MUC15: variants seen among roughly 807,000 people sequenced by gnomAD.
MUC15 encodes the protein mucin-15.
A neutral mutation model predicts 24.0 loss-of-function variants in MUC15; 23 were observed. The observed-to-expected ratio is 0.96, with a 90% confidence interval of 0.69 to 1.36. MUC15 has a LOEUF of 1.36. Ranked by LOEUF, MUC15 falls within the 40% of genes most tolerant of loss-of-function variation. The pLI is 0.00. For missense variants in MUC15, 442 were observed against 428.2 expected (o/e 1.03, Z -0.29); for synonymous variants, 151 against 156.3 (o/e 0.97, Z 0.25).
rs1005093183 is a variant in MUC15 at position 26,565,039 on chromosome 11, G to A, written c.775+126C>T. ...ACTATAATGATCATCCCTCAAAAGT[G>A]AGAAAATCCATGCTATTGTGTTCTC... On this transcript the variant is annotated intron_variant, in intron 3 of 4. Coordinates refer to ENST00000529533, the MANE Select transcript of MUC15 (RefSeq NM_001135091.2). 1.9e-5 allele frequency: 18 copies of A among 956,880 alleles called. No individual in the cohort carries two copies. In the African/African-American group the frequency reaches 2.9e-4, roughly 15 times the overall value. The allele number at this position is 956,880 out of a possible 1,614,324, so 59.3% of individuals were successfully genotyped here. A position where few individuals can be genotyped will look rare whatever the true frequency, so the allele number is the denominator to read the frequency against.
chr11:26,563,308 CA>C, intron 3 of MUC15, 43 bp from the exon 4 acceptor site: 1 of 1,542,798 alleles, frequency 6.5e-7, no homozygotes. Flanking sequence ...AATAATTATT[CA>C]AAGAACCGAA....
In MUC15 at chr11:26,559,866, ACACACAC is replaced by A. The variant is rs1850217248; in HGVS notation, c.*1192_*1198del. The A allele has an allele frequency of 1.1e-6, 1 of 882,078 alleles. No individual in the cohort carries two copies. The highest frequency in any genetic ancestry group is 1.7e-5 in the African/African-American group (1 of 60,192). The allele number at this position is 882,078 out of a possible 1,614,324, so 54.6% of individuals were successfully genotyped here. On this transcript the variant is annotated 3_prime_UTR_variant, in exon 5 of 5. Transcript: ENST00000529533. The stretch of plus-strand genomic sequence containing the variant: ...CACACACACACACACACACACACAC[ACACACAC>A]ACCATGAATCAATTCAAAAATAAAG...
chr11:26,567,288 A>T (rs1003511494), intron 1 of MUC15, 149 bp from the exon 2 acceptor site: 12 of 464,016 alleles, frequency 2.6e-5, no homozygotes, highest in Middle Eastern at 3.3e-4. Flanking sequence ...TACTGATTTC[A>T]TGTTTTTGAA....
At chr11:26,561,769 T>A (rs1464388929) in intron 4 of MUC15, among the ~76,000 whole-genome samples, 1 of 152,004 alleles carries the variant, frequency 6.6e-6, no homozygotes. Flanking sequence ...TTTCTGATTG[T>A]TGATGTGGAA....
At position 26,559,672 on chromosome 11, in the gene MUC15, T is replaced by C; in HGVS notation, c.*1393A>G. 7.2e-7 allele frequency: 1 copy of C among 1,387,540 alleles called. No individual in the cohort carries two copies. Among genetic ancestry groups the C allele is most frequent in the South Asian group, 1.2e-5 (1 of 86,390 alleles). 86.0% of individuals were successfully genotyped at this position (1,387,540 alleles called of 1,614,324 possible). A position where few individuals can be genotyped will look rare whatever the true frequency, so the allele number is the denominator to read the frequency against. On this transcript the variant is annotated 3_prime_UTR_variant, in exon 5 of 5. Coordinates refer to ENST00000529533, the MANE Select transcript of MUC15 (RefSeq NM_001135091.2). ...AGTGCAAACAGTATTCACTGGCTTA[T>C]TATAATCAATTTGCATGACTAATAT...
chr11:26,560,870 G>C lies in MUC15; in HGVS notation c.*195C>G, dbSNP rs1850260493. ...GGCTACTTAGTAAATGCCTCAGGAT[G>C]GCCAAAAATTGTAAGAAAGAAAACC... On this transcript the variant is annotated 3_prime_UTR_variant, in exon 5 of 5. Coordinates refer to ENST00000529533, the MANE Select transcript of MUC15 (RefSeq NM_001135091.2). 1 of 500,774 alleles carries C rather than the reference G, an allele frequency of 2.0e-6. No individual in the cohort carries two copies. Among genetic ancestry groups the C allele is most frequent in the South Asian group, 3.3e-5 (1 of 29,900 alleles). 31.0% of individuals were successfully genotyped at this position (500,774 alleles called of 1,614,324 possible).
intron 3 of MUC15, among the ~76,000 whole-genome samples, chr11:26,564,732 C>CACAT (rs1565108986): frequency 7.9e-5 from 2 of 25,414 alleles, no homozygotes; most frequent in Non-Finnish European, 1.4e-4. Flanking sequence ...CACACACACA[C>CACAT]ATATATATAT....
chr11:26,559,503 GAA>G lies in MUC15; in HGVS notation c.*1560_*1561del, dbSNP rs1850197143. 1 of 513,420 alleles carries G rather than the reference GAA, an allele frequency of 1.9e-6. No homozygotes were observed. Among genetic ancestry groups the G allele is most frequent in the African/African-American group, 1.9e-5 (1 of 52,340 alleles). The allele number at this position is 513,420 out of a possible 1,614,324, so 31.8% of individuals were successfully genotyped here. On this transcript the variant is annotated 3_prime_UTR_variant, in exon 5 of 5. Transcript: ENST00000529533. ...GTATAAAGGGAATCAAGAGAGGAGA[GAA>G]GAGGGCTAATGTTGTTTCTTCACCT... is the stretch of plus-strand genomic sequence containing the variant.
chr11:26,565,807 G>T lies in MUC15; in HGVS notation c.133C>A (p.Leu45Ile), dbSNP rs1489867402. 6.2e-7 allele frequency: 1 copy of T among 1,613,192 alleles called. No individual in the cohort carries two copies. The highest frequency in any genetic ancestry group is 1.7e-5 in the Admixed American group (1 of 59,894). ...TTTTCTTTTCCATGGCTCCCCGATA[G>T]AAGTGAATAAAACAACGTTGAAATC... ...LLISTLFYSL[L>I]SGSHGKENQD... Residue 45 changes from leucine (L) to isoleucine (I), a missense_variant, in exon 3 of 5, where the codon CTA (leucine) becomes ATA (isoleucine). By Grantham distance (5) the Leu-to-Ile change is conservative. Transcript: ENST00000529533.
Position 26,561,162 on chromosome 11 carries a change from T to C in MUC15, c.989A>G (p.Asn330Ser), listed in dbSNP as rs1376599132. The C allele has an allele frequency of 1.2e-6, 2 of 1,612,614 alleles. No homozygotes were observed. The highest frequency in any genetic ancestry group is 1.7e-6 in the Non-Finnish European group (2 of 1,179,236). Residue 330 changes from asparagine (N) to serine (S), a missense_variant, in exon 5 of 5, where the codon AAT (asparagine) becomes AGT (serine). By Grantham distance (46) the Asn-to-Ser change is conservative. Coordinates refer to ENST00000529533, the MANE Select transcript of MUC15 (RefSeq NM_001135091.2). ...CATGGCTGAATCATTCAAAGTTGGA[T>C]TGTAGTAGCTAGAATTCCCAAAACT... ...DVSFGNSSYY[N>S]PTLNDSAMPE... is the part of the protein sequence containing the mutation.
rs1433309300 is a variant in MUC15, at chr11:26,561,123, T to G, written c.1028A>C (p.Glu343Ala). Residue 343 changes from glutamate (E) to alanine (A), a missense_variant, in exon 5 of 5, where the codon GAA becomes GCA. Coordinates refer to ENST00000529533, the MANE Select transcript of MUC15 (RefSeq NM_001135091.2). ...LNDSAMPESE[E>A]NARDGIPMDD... is the part of the protein sequence containing the mutation. ...CATAGGAATGCCATCACGTGCATTTTCTTCACTTTCTGGCATGGCTGAATC... is the reference window on the plus strand; with the variant it reads ...CATAGGAATGCCATCACGTGCATTTGCTTCACTTTCTGGCATGGCTGAATC... 6.2e-7 allele frequency: 1 copy of G among 1,612,966 alleles called. No homozygotes were observed. Among genetic ancestry groups the G allele is most frequent in the Non-Finnish European group, 8.5e-7 (1 of 1,179,324 alleles).
At chr11:26,563,466 C>T (rs144443295) in intron 3 of MUC15, among the ~76,000 whole-genome samples, 4 of 149,236 alleles carry the variant, frequency 2.7e-5, no homozygotes, top group East Asian at 2.0e-4. Context: ...TATGGGCAAA[C>T]GTATTTGTTG....
chr11:26,565,279 T>C lies in MUC15; in HGVS notation c.661A>G (p.Asn221Asp), dbSNP rs143492277. The change falls in exon 3 of 5, where the codon AAC becomes GAC. Residue 221 changes from asparagine (N) to aspartate (D), a missense_variant. By Grantham distance (23) the Asn-to-Asp change is conservative. Transcript: ENST00000529533. ...GTAAACCCAGTGAAGCTATCACTGT[T>C]TGTGGTAAGCCATCCACTTGGTTCC... ...IVEPSGWLTT[N>D]SDSFTGFTPY... is the part of the protein sequence containing the mutation. The C allele has an allele frequency of 2.0e-5, 32 of 1,605,250 alleles. No individual in the cohort carries two copies. The highest frequency in any genetic ancestry group is 2.7e-5 in the Non-Finnish European group (32 of 1,174,970).
At position 26,563,285 on chromosome 11, in the gene MUC15, T is replaced by C; in HGVS notation, c.776-20A>G. 1 of 1,568,042 alleles carries C rather than the reference T, an allele frequency of 6.4e-7. No individual in the cohort carries two copies. Among genetic ancestry groups the C allele is most frequent in the Non-Finnish European group, 8.6e-7 (1 of 1,161,998 alleles). The stretch of plus-strand genomic sequence containing the variant: ...TATTTTCTACAGGACAAAAAAAATT[T>C]AAAGAAATATAAAATAATTATTCAA... On this transcript the variant is annotated intron_variant, in intron 3 of 4. Transcript: ENST00000529533.
At chr11:26,564,761 A>G (rs1291406637) in intron 3 of MUC15, among the ~76,000 whole-genome samples, 4 of 94,728 alleles carry the variant, frequency 4.2e-5, no homozygotes, top group Non-Finnish European at 8.2e-5. Flanking sequence ...ATATATATAT[A>G]TATATATATA....
In MUC15 at chr11:26,572,163, G is replaced by C; in HGVS notation, c.-168C>G. On this transcript the variant is annotated 5_prime_UTR_variant, in exon 1 of 5. Coordinates refer to ENST00000529533, the MANE Select transcript of MUC15 (RefSeq NM_001135091.2). ...AGTGTGACAATGTCGCACTGAGCAG[G>C]AGGGTGCCAGGGAAACAAAATTAGG... 1 of 985,450 alleles carries C rather than the reference G, an allele frequency of 1.0e-6. No individual in the cohort carries two copies. Among genetic ancestry groups the C allele is most frequent in the South Asian group, 4.7e-5 (1 of 21,294 alleles). The allele number at this position is 985,450 out of a possible 1,614,324, so 61.0% of individuals were successfully genotyped here. A position where few individuals can be genotyped will look rare whatever the true frequency, so the allele number is the denominator to read the frequency against.
At chr11:26,562,843 AT>A (rs1232921468) in intron 4 of MUC15, among the ~76,000 whole-genome samples, 2 of 151,868 alleles carry the variant, frequency 1.3e-5, no homozygotes, top group Admixed American at 1.3e-4. Flanking sequence ...TTATCTTCCA[AT>A]TTTATACATA....
At chr11:26,567,169 C>A in intron 1 of MUC15, 30 bp from the exon 2 acceptor site, 4 of 1,320,286 alleles carry the variant, frequency 3.0e-6, no homozygotes, top group Middle Eastern at 1.9e-4. Flanking sequence ...ATATTTAAAG[C>A]CAAGTCAACT....
chr11:26,562,826 C>G (rs1850346726), intron 4 of MUC15, among the ~76,000 whole-genome samples: 1 of 151,822 alleles, frequency 6.6e-6, no homozygotes, highest in African/African-American at 2.4e-5. Context: ...GAATGTCCTA[C>G]CATTCATTAT....
Sources: allele counts gnomAD v4.1 joint callset (sites outside exome capture counted in the v4.1 genomes callset), GRCh38; gene constraint gnomAD v4.1.1; transcripts MANE v1.5; gene names NCBI Gene and HGNC (gene_info 2026-07-23, HGNC 2026-07-21).